The following RNF150 variants were observed in gnomAD, a reference collection of about 807,000 sequenced individuals.
The protein encoded by RNF150 is ring finger protein 150.
RNF150 carries 24 observed loss-of-function variants against 39.3 expected under a neutral mutation model. The ratio of observed to expected loss-of-function variants is 0.61; its 90% confidence interval spans 0.44 to 0.86. The LOEUF is 0.86. RNF150 is among the 40% of genes least tolerant of loss of function. The pLI is 0.00. For missense variants in RNF150, 502 were observed against 587.8 expected (o/e 0.85, Z 1.51); for synonymous variants, 255 against 227.3 (o/e 1.12, Z -1.10).
At chr4:141,137,673 G>A (rs776719534), upstream of RNF150, among the ~76,000 whole-genome samples, 1 of 152,194 alleles carries the variant, frequency 6.6e-6, no homozygotes, top group Non-Finnish European at 1.5e-5. Context: ...GTTTGCTTCA[G>A]CATTGAGTCT....
intron 1 of RNF150, among the ~76,000 whole-genome samples, chr4:141,093,322 C>T (rs1185187988): frequency 2.0e-5 from 3 of 146,802 alleles, no homozygotes; most frequent in Non-Finnish European, 4.5e-5. Context: ...GCTGAGATCA[C>T]ACCACTGCAC....
chr4:141,022,414 C>T (rs982504302), intron 1 of RNF150, among the ~76,000 whole-genome samples: 3 of 152,052 alleles, frequency 2.0e-5, no homozygotes, highest in African/African-American at 4.8e-5. Flanking sequence ...CAAAAGAACC[C>T]TTGAAAATGT....
At chr4:141,196,315 T>C (rs1048330405) in intron 1 of RNF150, among the ~76,000 whole-genome samples, 2 of 152,148 alleles carry the variant, frequency 1.3e-5, no homozygotes, top group African/African-American at 2.4e-5. Context: ...TTCCTGTCTT[T>C]CTATAGCAAA....
At chr4:141,014,939 T>G (rs1232114972) in intron 1 of RNF150, among the ~76,000 whole-genome samples, 1 of 152,130 alleles carries the variant, frequency 6.6e-6, no homozygotes, top group Non-Finnish European at 1.5e-5. Flanking sequence ...TTTTCTAGTA[T>G]TTTACAGTTT....
chr4:140,974,966 G>A (rs563104889), intron 1 of RNF150, among the ~76,000 whole-genome samples: 6 of 152,046 alleles, frequency 3.9e-5, no homozygotes, highest in Non-Finnish European at 8.8e-5. Context: ...AAAAAATGCA[G>A]CATTTGAGAC....
intron 1 of RNF150, among the ~76,000 whole-genome samples, chr4:141,005,925 C>T (rs1206814962): frequency 2.0e-5 from 3 of 147,088 alleles, no homozygotes; most frequent in South Asian, 2.2e-4. Flanking sequence ...AAAAATTAGC[C>T]GGGCGTAGTG....
intron 1 of RNF150, among the ~76,000 whole-genome samples, chr4:141,066,295 T>C (rs1269162603): frequency 6.6e-6 from 1 of 152,028 alleles, no homozygotes; most frequent in East Asian, 1.9e-4. Flanking sequence ...ATACTTTAAA[T>C]ATGAGAAGCA....
At chr4:141,023,749 G>A (rs1043796976) in intron 1 of RNF150, among the ~76,000 whole-genome samples, 3 of 152,094 alleles carry the variant, frequency 2.0e-5, no homozygotes, top group Non-Finnish European at 4.4e-5. Context: ...TGGCTACCAC[G>A]TTGGACAGCA....
intron 1 of RNF150, among the ~76,000 whole-genome samples, chr4:141,066,985 C>G (rs1326842055): frequency 1.3e-5 from 2 of 152,102 alleles, no homozygotes. Flanking sequence ...TAACATGTTA[C>G]TATACTGAAT....
At chr4:141,199,177 C>A (rs1198773627) in intron 1 of RNF150, among the ~76,000 whole-genome samples, 1 of 152,140 alleles carries the variant, frequency 6.6e-6, no homozygotes, top group African/African-American at 2.4e-5. Flanking sequence ...GACACCACTA[C>A]ACACCTATTA....
intron 1 of RNF150, among the ~76,000 whole-genome samples, chr4:141,066,571 C>T (rs1387370957): frequency 6.6e-6 from 1 of 152,250 alleles, no homozygotes; most frequent in East Asian, 1.9e-4. Flanking sequence ...CTACAATTTT[C>T]TAAGCAAAGA....
intron 1 of RNF150, among the ~76,000 whole-genome samples, chr4:141,084,961 T>C (rs998753902): frequency 1.3e-5 from 2 of 152,212 alleles, no homozygotes; most frequent in African/African-American, 4.8e-5. Context: ...TGATGTTCTG[T>C]AACTTCTGAG....
At chr4:141,138,224 A>G (rs1473386232), upstream of RNF150, among the ~76,000 whole-genome samples, 1 of 152,224 alleles carries the variant, frequency 6.6e-6, no homozygotes, top group Non-Finnish European at 1.5e-5. Context: ...GGTTTAATTA[A>G]AATTTTATGT....
At chr4:141,044,771 G>GCGCACA (rs1553940748) in intron 1 of RNF150, among the ~76,000 whole-genome samples, 65 of 146,582 alleles carry the variant, frequency 4.4e-4, no homozygotes, top group Non-Finnish European at 8.2e-4. Flanking sequence ...GGTGTGCAGC[G>GCGCACA]CACACACACA....
rs373277496 is a variant in RNF150, at chr4:141,132,662, G to C, written c.147C>G (p.Ala49=). The part of the protein sequence containing the change: ...WYTAFVNITY[A]EPAPDPGAGA... ...CGGCCCCGGGGTCCGGCGCGGGCTC[G>C]GCGTAGGTGATGTTCACGAAGGCGG... The change falls in exon 1 of 7, where the codon GCC becomes GCG. Residue 49 remains alanine (A), a synonymous_variant. Transcript: ENST00000515673. This position sits in a 1 kb window ranked among gnomAD's most constrained non-coding sequence, Gnocchi z 4.9. 1 of 1,604,390 alleles carries C rather than the reference G, an allele frequency of 6.2e-7. No homozygotes were observed. Among genetic ancestry groups the C allele is most frequent in the Non-Finnish European group, 8.5e-7 (1 of 1,176,492 alleles).
At chr4:140,958,170 T>C (rs760125828) in intron 2 of RNF150, among the ~76,000 whole-genome samples, 3 of 152,118 alleles carry the variant, frequency 2.0e-5, no homozygotes, top group African/African-American at 4.8e-5. Flanking sequence ...TTAAAGTATA[T>C]GGGAGGATGC....
At chr4:140,974,698 G>C (rs1579019131) in intron 1 of RNF150, among the ~76,000 whole-genome samples, 1 of 152,238 alleles carries the variant, frequency 6.6e-6, no homozygotes, top group East Asian at 1.9e-4. Flanking sequence ...CATCCTGAGA[G>C]GTGTACAAAG....
intron 6 of RNF150, among the ~76,000 whole-genome samples, chr4:140,872,477 C>T (rs982384761): frequency 2.0e-5 from 3 of 152,154 alleles, no homozygotes; most frequent in Admixed American, 2.0e-4. Flanking sequence ...ATTTGCCTAA[C>T]ATTTTAAGAG....
intron 2 of RNF150, among the ~76,000 whole-genome samples, chr4:140,951,053 C>T (rs532138692): frequency 6.6e-6 from 1 of 152,212 alleles, no homozygotes; most frequent in East Asian, 1.9e-4. Flanking sequence ...CTTTCCTCTC[C>T]TCTTCTTCTG....
Sources: allele counts gnomAD v4.1 joint callset (sites outside exome capture counted in the v4.1 genomes callset), GRCh38; gene constraint gnomAD v4.1.1; non-coding constraint Gnocchi (gnomAD v3.1); transcripts MANE v1.5; gene names NCBI Gene and HGNC (gene_info 2026-07-23, HGNC 2026-07-21).